SEMA3C: variants seen among roughly 807,000 people sequenced by gnomAD.
SEMA3C encodes the protein semaphorin-3C.
In SEMA3C, 47 loss-of-function variants were observed where a neutral mutation model predicts 89.4. The observed-to-expected ratio is 0.53, with a 90% CI of 0.42 to 0.67. SEMA3C has a LOEUF of 0.67. Ranked by LOEUF, SEMA3C falls within the 30% of genes least tolerant of loss-of-function variation. SEMA3C has a pLI of 0.00. For synonymous variants in SEMA3C, 310 were observed against 320.2 expected (o/e 0.97, Z 0.34); for missense variants, 839 against 929.1 (o/e 0.90, Z 1.26).
intron 11 of SEMA3C, among the ~76,000 whole-genome samples, chr7:80,795,022 C>A (rs1169366087): frequency 6.6e-6 from 1 of 152,022 alleles, no homozygotes; most frequent in East Asian, 1.9e-4. Context: ...AGAACACAGC[C>A]ATATATTTAT....
intron 4 of SEMA3C, among the ~76,000 whole-genome samples, chr7:80,824,228 T>G (rs2115793087): frequency 6.6e-6 from 1 of 152,258 alleles, no homozygotes; most frequent in East Asian, 1.9e-4. Flanking sequence ...CTTAGATGAT[T>G]AACAGAGCTA....
chr7:80,795,899 T>G (rs1789053081), intron 11 of SEMA3C, among the ~76,000 whole-genome samples: 1 of 152,212 alleles, frequency 6.6e-6, no homozygotes, highest in Non-Finnish European at 1.5e-5. Flanking sequence ...TGTTCTTAAT[T>G]GAGAAGAGGT....
intron 12 of SEMA3C, among the ~76,000 whole-genome samples, chr7:80,777,019 A>C (rs1788564993): frequency 6.6e-6 from 1 of 152,168 alleles, no homozygotes; most frequent in South Asian, 2.1e-4. Flanking sequence ...ATATAGGTAC[A>C]TGTGTGTATG....
At chr7:80,837,012 T>C (rs1303869510) in intron 2 of SEMA3C, among the ~76,000 whole-genome samples, 2 of 152,220 alleles carry the variant, frequency 1.3e-5, no homozygotes, top group African/African-American at 2.4e-5. Flanking sequence ...CTTTCCCATT[T>C]AGAACAAAAA....
intron 2 of SEMA3C, among the ~76,000 whole-genome samples, chr7:80,890,268 A>T (rs1672063737): frequency 6.6e-6 from 1 of 152,194 alleles, no homozygotes; most frequent in South Asian, 2.1e-4. Flanking sequence ...TATACAGGCA[A>T]ATATTTTCTG....
chr7:80,884,655 C>T (rs1325195705), intron 2 of SEMA3C, among the ~76,000 whole-genome samples: 7 of 152,278 alleles, frequency 4.6e-5, no homozygotes, highest in Non-Finnish European at 8.8e-5. Flanking sequence ...ATACAAACAA[C>T]GGCTTTGTCT....
chr7:80,786,791 GC>G (rs1788814151), intron 12 of SEMA3C, among the ~76,000 whole-genome samples: 2 of 152,322 alleles, frequency 1.3e-5, no homozygotes, highest in Admixed American at 1.3e-4. Context: ...ACTGTGATAT[GC>G]CTAGAGAGAA....
intron 2 of SEMA3C, among the ~76,000 whole-genome samples, chr7:80,885,477 C>T (rs1791453336): frequency 1.3e-5 from 2 of 152,136 alleles, no homozygotes; most frequent in Non-Finnish European, 1.5e-5. Context: ...ATTAGCCAGG[C>T]ATGGTGGTGC....
At chr7:80,747,081 A>T (rs1787820396) in intron 17 of SEMA3C, among the ~76,000 whole-genome samples, 1 of 152,146 alleles carries the variant, frequency 6.6e-6, no homozygotes, top group Non-Finnish European at 1.5e-5. Context: ...TTAATAGCTT[A>T]AAAATAAGTA....
rs1404059187 is a variant in SEMA3C, at chr7:80,762,971, C to T, written c.1444-1314G>A. On this transcript the variant is annotated intron_variant, in intron 13 of 17. Transcript: ENST00000265361. ...TTTACCAACATTTTAAAAGGGAAAA[C>T]AGTGATATCTTTAATTCTCCATTGT... is the stretch of plus-strand genomic sequence containing the variant. Among the ~76,000 whole-genome samples, 3 of 152,166 alleles carry T rather than the reference C, an allele frequency of 2.0e-5. No individual in the cohort carries two copies. The East Asian group carries it at 5.8e-4, about 29-fold the overall frequency.
chr7:80,793,393 C>T (rs1051087513), intron 11 of SEMA3C: 46 of 385,486 alleles, frequency 1.2e-4, no homozygotes, highest in Admixed American at 2.1e-4. Flanking sequence ...TGTTAATATA[C>T]GTATCCATTA....
Position 80,918,978 on chromosome 7 carries a change from A to T in SEMA3C, c.-189T>A. 1.0e-6 allele frequency: 1 copy of T among 985,336 alleles called. No homozygotes were observed. Among genetic ancestry groups the T allele is most frequent in the African/African-American group, 1.7e-5 (1 of 57,350 alleles). The allele number at this position is 985,336 out of a possible 1,614,324, so 61.0% of individuals were successfully genotyped here. On this transcript the variant is annotated 5_prime_UTR_variant, in exon 1 of 18. Coordinates refer to ENST00000265361, the MANE Select transcript of SEMA3C (RefSeq NM_006379.5). The stretch of plus-strand genomic sequence containing the variant: ...TTCCCGGTCCTCTGAGTTTCTTTGT[A>T]AAGGAATCTCAGCGCTGCAGTGCCG...
intron 2 of SEMA3C, among the ~76,000 whole-genome samples, chr7:80,874,249 T>C (rs1436549351): frequency 1.3e-5 from 2 of 152,146 alleles, no homozygotes; most frequent in African/African-American, 4.8e-5. Flanking sequence ...TCATAACAAT[T>C]AGCAGTGGTG....
chr7:80,775,697 T>C (rs940713815), intron 12 of SEMA3C, among the ~76,000 whole-genome samples: 2 of 152,064 alleles, frequency 1.3e-5, no homozygotes, highest in Non-Finnish European at 2.9e-5. Flanking sequence ...TTTTTACACA[T>C]GGTTTGAAGA....
chr7:80,791,344 A>G (rs1390929754), intron 11 of SEMA3C, among the ~76,000 whole-genome samples: 1 of 152,200 alleles, frequency 6.6e-6, no homozygotes, highest in Non-Finnish European at 1.5e-5. Flanking sequence ...AAACATTATT[A>G]CTATTAATAA....
intron 2 of SEMA3C, among the ~76,000 whole-genome samples, chr7:80,914,053 C>T (rs1207820918): frequency 2.0e-5 from 3 of 152,042 alleles, no homozygotes; most frequent in East Asian, 1.9e-4. Flanking sequence ...AAAGTAATTA[C>T]GAGAGAATCT....
intron 2 of SEMA3C, among the ~76,000 whole-genome samples, chr7:80,840,825 T>C (rs1406594415): frequency 1.3e-5 from 2 of 152,110 alleles, no homozygotes; most frequent in Admixed American, 1.3e-4. Context: ...CAGTAATAAA[T>C]GCACAAAGTA....
intron 2 of SEMA3C, among the ~76,000 whole-genome samples, chr7:80,842,850 TTC>T (rs1790301447): frequency 6.6e-6 from 1 of 152,160 alleles, no homozygotes; most frequent in Non-Finnish European, 1.5e-5. Context: ...GAATCTGTCT[TTC>T]TGTTTCTTTT....
chr7:80,920,953 A>G (rs1792397636), upstream of SEMA3C, among the ~76,000 whole-genome samples: 1 of 152,208 alleles, frequency 6.6e-6, no homozygotes, highest in African/African-American at 2.4e-5. Flanking sequence ...TGTGTGGATT[A>G]AATTAATTTA....
Sources: gnomAD v4.1 joint callset for allele counts (sites outside exome capture counted in the v4.1 genomes callset) on GRCh38, gnomAD v4.1.1 for gene constraint, MANE v1.5 for transcripts, NCBI Gene and HGNC (gene_info 2026-07-23, HGNC 2026-07-21) for gene names.